The following GON4L variants were observed in gnomAD, a reference collection of about 807,000 sequenced individuals.
GON4L encodes the protein GON-4-like protein.
Under a neutral mutation model 211.8 loss-of-function variants are expected in GON4L, and 87 were observed. That is an observed-to-expected ratio of 0.41 (90% CI 0.35 to 0.49). The LOEUF is 0.49. GON4L is among the 20% of genes least tolerant of loss of function. The pLI is 0.15. For synonymous variants in GON4L, 875 were observed against 962.6 expected (o/e 0.91, Z 1.68); for missense variants, 2,155 against 2,659.5 (o/e 0.81, Z 4.17).
At chr1:155,836,612 C>A (rs1042154282) in intron 2 of GON4L, among the ~76,000 whole-genome samples, 1 of 152,174 alleles carries the variant, frequency 6.6e-6, no homozygotes, top group African/African-American at 2.4e-5. Flanking sequence ...CTTTTCAAAT[C>A]AATCAGGAAA....
chr1:155,787,916 C>T (rs990530435), intron 12 of GON4L, among the ~76,000 whole-genome samples: 9 of 152,110 alleles, frequency 5.9e-5, no homozygotes, highest in Non-Finnish European at 1.3e-4. Flanking sequence ...TGCACTCCAG[C>T]CTGAGAGACA....
At chr1:155,819,853 A>G (rs1668581523) in intron 6 of GON4L, among the ~76,000 whole-genome samples, 1 of 152,202 alleles carries the variant, frequency 6.6e-6, no homozygotes, top group African/African-American at 2.4e-5. Context: ...GCATATTCCA[A>G]GGCCCTGCCC....
At chr1:155,753,771 T>G (rs1660857885) in intron 28 of GON4L, among the ~76,000 whole-genome samples, 2 of 151,988 alleles carry the variant, frequency 1.3e-5, no homozygotes, top group African/African-American at 4.8e-5. Context: ...TACACAGGCA[T>G]GACCATGGTG....
At chr1:155,810,110 C>T (rs1000729067) in intron 10 of GON4L, among the ~76,000 whole-genome samples, 2 of 150,058 alleles carry the variant, frequency 1.3e-5, no homozygotes, top group Admixed American at 6.7e-5. Context: ...ATTTTCGTGC[C>T]GCAGCCTCCC....
At chr1:155,803,748 C>A (rs1457623673) in intron 11 of GON4L, among the ~76,000 whole-genome samples, 1 of 152,212 alleles carries the variant, frequency 6.6e-6, no homozygotes, top group Non-Finnish European at 1.5e-5. Context: ...CCAAGTCGAT[C>A]TGACTTGTTC....
intron 2 of GON4L, among the ~76,000 whole-genome samples, chr1:155,834,214 A>T (rs1670084025): frequency 6.6e-6 from 1 of 152,098 alleles, no homozygotes; most frequent in South Asian, 2.1e-4. Context: ...TTCAAATGTA[A>T]CCTTTTTCTC....
intron 7 of GON4L, 108 bp from the exon 8 acceptor site, chr1:155,816,008 A>G: frequency 7.9e-6 from 6 of 757,678 alleles, no homozygotes; most frequent in Non-Finnish European, 1.4e-5. Context: ...TCCTAAGAGC[A>G]TAATGTACAG....
At position 155,793,602 on chromosome 1, in the gene GON4L, C is replaced by G. The variant is rs184836435; in HGVS notation, c.1747+1448G>C. Among the ~76,000 whole-genome samples the G allele has an allele frequency of 2.7e-3, 414 of 152,244 alleles. 1 individual carries two copies. The highest frequency in any genetic ancestry group is 9.5e-3 in the African/African-American group (396 of 41,560). On this transcript the variant is annotated intron_variant, in intron 12 of 31. Transcript: ENST00000368331. ...ATGTATGTTTTCTATGCTTGACACA[C>G]TAGCCAATGATATAATTTTTTTTTG...
downstream of GON4L, chr1:155,746,878 G>T: frequency 3.1e-6 from 5 of 1,596,398 alleles, no homozygotes; most frequent in Non-Finnish European, 4.2e-6. Context: ...AGAGGTGAGG[G>T]CCTCTGTCCT....
intron 10 of GON4L, 24 bp from the exon 11 acceptor site, chr1:155,805,165 C>T (rs1333244306): frequency 6.5e-7 from 1 of 1,540,714 alleles, no homozygotes; most frequent in African/African-American, 1.4e-5. Flanking sequence ...AAAGAAAAGT[C>T]ACTGAGTGAG....
At chr1:155,856,183 G>A (rs554918555) in intron 1 of GON4L, among the ~76,000 whole-genome samples, 20 of 151,862 alleles carry the variant, frequency 1.3e-4, no homozygotes, top group Non-Finnish European at 2.6e-4. Flanking sequence ...GTAACTCTAA[G>A]CGTCTAAGGT....
intron 10 of GON4L, among the ~76,000 whole-genome samples, chr1:155,806,041 G>A (rs1356240745): frequency 6.8e-6 from 1 of 147,450 alleles, no homozygotes; most frequent in African/African-American, 2.5e-5. Context: ...CCAGGCTACA[G>A]CACTGGCACA....
intron 12 of GON4L, 65 bp from the exon 13 acceptor site, chr1:155,785,439 T>C: frequency 1.8e-6 from 2 of 1,093,952 alleles, no homozygotes; most frequent in Non-Finnish European, 2.8e-6. Flanking sequence ...AGGAATTCCA[T>C]GAAGACAATG....
At position 155,822,371 on chromosome 1, in the gene GON4L, T is replaced by C. The variant is rs376574575; in HGVS notation, c.803A>G (p.Lys268Arg). 8.1e-6 allele frequency: 13 copies of C among 1,614,064 alleles called. No homozygotes were observed. Among genetic ancestry groups the C allele is most frequent in the Middle Eastern group, 3.3e-4 (2 of 6,060 alleles). ...GGTACGGTCAAGCATGTCATCCAGT[T>C]TCAGGTCATATGCCAAGGTCCCTTC... ...GQEGTLAYDL[K>R]LDDMLDRTLE... Residue 268 changes from lysine (K) to arginine (R), a missense_variant, in exon 4 of 32, where the codon AAA becomes AGA. Around this residue, in one of 6 missense-constraint regions of GON4L, gnomAD observed 551 missense variants for 854.0 expected, o/e 0.65. Transcript: ENST00000368331.
At chr1:155,748,588 C>A, downstream of GON4L, 1 of 1,613,366 alleles carries the variant, frequency 6.2e-7, no homozygotes. Context: ...ATAACGTGTT[C>A]TCTTCCTTCT....
chr1:155,837,803 C>G (rs758667478), intron 2 of GON4L, among the ~76,000 whole-genome samples: 20 of 151,658 alleles, frequency 1.3e-4, no homozygotes, highest in Non-Finnish European at 2.8e-4. Flanking sequence ...CTACCTTACC[C>G]AAATTCTAGT....
Position 155,750,335 on chromosome 1 carries a change from G to A in GON4L, c.*249C>T, listed in dbSNP as rs539775993. 1.1e-3 allele frequency: 718 copies of A among 625,246 alleles called. 7 individuals are homozygous for A. Among genetic ancestry groups the A allele is most frequent in the Non-Finnish European group, 2.0e-4 (72 of 352,904 alleles). The allele number at this position is 625,246 out of a possible 1,614,324, so 38.7% of individuals were successfully genotyped here. ...AGACCAAAAAAAAGTAGAGAAAGGAGCTGAACTCCACTCTCGATGCTATTT... is the reference window on the plus strand; with the variant it reads ...AGACCAAAAAAAAGTAGAGAAAGGAACTGAACTCCACTCTCGATGCTATTT... On this transcript the variant is annotated 3_prime_UTR_variant, in exon 32 of 32. Transcript: ENST00000368331.
intron 2 of GON4L, among the ~76,000 whole-genome samples, chr1:155,843,647 G>A (rs1263852001): frequency 1.3e-5 from 2 of 152,112 alleles, no homozygotes; most frequent in East Asian, 1.9e-4. Context: ...GCCATGGGAG[G>A]GCAAACGGGA....
chr1:155,821,527 C>T lies in GON4L; in HGVS notation c.910G>A (p.Val304Met), dbSNP rs887816726. The T allele has an allele frequency of 5.6e-6, 9 of 1,604,726 alleles. No homozygotes were observed. Among genetic ancestry groups the T allele is most frequent in the Middle Eastern group, 1.7e-4 (1 of 6,054 alleles). ...ILHEVITNEH[V>M]VAMMKAAISE... ...ATGGCTGCTTTCATCATAGCTACCA[C>T]GTGTTCATTTGTGATTACTTCCTGG... The change falls in exon 5 of 32, where the codon GTG becomes ATG. Residue 304 changes from valine to methionine, a missense_variant. Transcript: ENST00000368331.
Sources: allele counts gnomAD v4.1 joint callset (sites outside exome capture counted in the v4.1 genomes callset), GRCh38; gene constraint gnomAD v4.1.1; regional missense constraint gnomAD v4.1.1; transcripts MANE v1.5; gene names NCBI Gene and HGNC (gene_info 2026-07-23, HGNC 2026-07-21).